Variants in BRD10 observed in about 807,000 individuals in gnomAD.
The protein encoded by BRD10 is uncharacterized bromodomain-containing protein 10.
chr9:5,909,571 T>C, the BRD10 span: 1 of 152,208 alleles, frequency 6.6e-6, no homozygotes. Context: ...TCCTATATCT[T>C]AGGTAAGACA....
At chr9:5,919,647 G>C in the BRD10 span, 1 of 1,540,588 alleles carries the variant, frequency 6.5e-7, no homozygotes, top group East Asian at 2.3e-5. Flanking sequence ...TCAAAACAAT[G>C]CCCCATTATT....
the BRD10 span, among the ~76,000 whole-genome samples, chr9:6,006,342 ACAGT>A: frequency 1.2e-3 from 176 of 152,370 alleles, 2 homozygotes; most frequent in African/African-American, 4.1e-3. Flanking sequence ...CTAATAGTAA[ACAGT>A]CAAACTACTA....
the BRD10 span, chr9:5,922,336 G>A: frequency 1.2e-6 from 2 of 1,613,990 alleles, no homozygotes; most frequent in Non-Finnish European, 1.7e-6. Flanking sequence ...TGGGCAAGGA[G>A]AATGTGGCTG....
the BRD10 span, among the ~76,000 whole-genome samples, chr9:5,953,697 TACAC>T: frequency 5.2e-4 from 79 of 150,892 alleles, no homozygotes; most frequent in African/African-American, 1.7e-3. Flanking sequence ...TATATATACA[TACAC>T]ACACACACAC....
At chr9:5,944,240 T>C in the BRD10 span, among the ~76,000 whole-genome samples, 9 of 152,264 alleles carry the variant, frequency 5.9e-5, no homozygotes, top group South Asian at 1.7e-3. Context: ...ATAGGTGTTA[T>C]TGATTTAATA....
At chr9:5,950,905 T>G in the BRD10 span, among the ~76,000 whole-genome samples, 1 of 152,134 alleles carries the variant, frequency 6.6e-6, no homozygotes, top group Admixed American at 6.5e-5. Flanking sequence ...TGTTGTTATA[T>G]CATATTGTTT....
chr9:5,979,418 T>G, the BRD10 span, among the ~76,000 whole-genome samples: 1 of 151,270 alleles, frequency 6.6e-6, no homozygotes, highest in East Asian at 1.9e-4. Context: ...GAGGCTGAGG[T>G]GGGAGGATAA....
the BRD10 span, among the ~76,000 whole-genome samples, chr9:5,933,282 T>C: frequency 2.0e-5 from 3 of 152,318 alleles, no homozygotes; most frequent in South Asian, 6.2e-4. Context: ...ACTGAGAGAA[T>C]CTCAATGCAT....
At chr9:5,944,686 C>T in the BRD10 span, among the ~76,000 whole-genome samples, 354 of 152,048 alleles carry the variant, frequency 2.3e-3, 7 homozygotes, top group East Asian at 0.055. Context: ...GCCCCTGGCA[C>T]GATTTCTGTC....
the BRD10 span, among the ~76,000 whole-genome samples, chr9:5,956,569 C>A: frequency 6.6e-5 from 10 of 152,260 alleles, no homozygotes; most frequent in Non-Finnish European, 1.5e-4. Flanking sequence ...TGGGTTATAA[C>A]ACCCCAAAAG....
the BRD10 span, among the ~76,000 whole-genome samples, chr9:5,942,670 G>C: frequency 6.6e-6 from 1 of 152,148 alleles, no homozygotes; most frequent in Admixed American, 6.5e-5. Flanking sequence ...ATCTCAGTAA[G>C]ATTATCCCTG....
At chr9:5,918,815 CAAAAAAA>C in the BRD10 span, among the ~76,000 whole-genome samples, 1 of 104,878 alleles carries the variant, frequency 9.5e-6, no homozygotes, top group African/African-American at 3.5e-5. Context: ...ACAGGTGAGT[CAAAAAAA>C]AAAAAAAAAA....
the BRD10 span, among the ~76,000 whole-genome samples, chr9:5,990,933 G>C: frequency 6.6e-6 from 1 of 152,032 alleles, no homozygotes; most frequent in Non-Finnish European, 1.5e-5. Flanking sequence ...TCAGAATATT[G>C]CCTGTTATTT....
At chr9:5,939,127 A>C in the BRD10 span, among the ~76,000 whole-genome samples, 1 of 152,166 alleles carries the variant, frequency 6.6e-6, no homozygotes, top group African/African-American at 2.4e-5. Context: ...AGGTGTTAGA[A>C]AATAAGATTA....
chr9:5,974,640 C>A, the BRD10 span, among the ~76,000 whole-genome samples: 1 of 152,260 alleles, frequency 6.6e-6, no homozygotes, highest in Middle Eastern at 3.4e-3. Flanking sequence ...CAACTAGAGT[C>A]TGCAGGACAT....
the BRD10 span, among the ~76,000 whole-genome samples, chr9:5,967,150 CAAT>C: frequency 2.6e-3 from 391 of 152,154 alleles, no homozygotes; most frequent in African/African-American, 8.9e-3. Flanking sequence ...AATCCACAAA[CAAT>C]GATGATGAAG....
At chr9:5,946,209 A>G in the BRD10 span, among the ~76,000 whole-genome samples, 4 of 152,142 alleles carry the variant, frequency 2.6e-5, no homozygotes, top group South Asian at 8.3e-4. Flanking sequence ...GAGATTAAGA[A>G]AAAATGATCA....
chr9:5,971,821 G>T, the BRD10 span, among the ~76,000 whole-genome samples: 1 of 152,050 alleles, frequency 6.6e-6, no homozygotes, highest in Admixed American at 6.5e-5. Context: ...ACACTCAGTA[G>T]AGGGGCATAC....
the BRD10 span, among the ~76,000 whole-genome samples, chr9:5,996,145 A>C: frequency 6.6e-6 from 1 of 152,242 alleles, no homozygotes; most frequent in South Asian, 2.1e-4. Flanking sequence ...AAAGCCATTA[A>C]ACAACAACAG....
Sources: allele counts gnomAD v4.1 joint callset (sites outside exome capture counted in the v4.1 genomes callset), GRCh38; gene constraint gnomAD v4.1.1; transcripts MANE v1.5; gene names NCBI Gene and HGNC (gene_info 2026-07-23, HGNC 2026-07-21).